CCDC74A: variants seen among roughly 807,000 people sequenced by gnomAD.
CCDC74A encodes the protein coiled-coil domain-containing protein 74A.
A neutral mutation model predicts 37.6 loss-of-function variants in CCDC74A; 38 were observed. The ratio of observed to expected loss-of-function variants is 1.01; its 90% CI spans 0.78 to 1.33. The LOEUF (loss-of-function observed/expected upper bound fraction) is 1.33, where lower values mean the gene tolerates loss of function less well. Among genes scored for constraint, CCDC74A ranks in the 40% most tolerant of loss-of-function variants. CCDC74A has a pLI of 0.00. For synonymous variants in CCDC74A, 134 were observed against 165.2 expected, an observed-to-expected ratio of 0.81 and a Z score of 1.45; for missense variants, 340 against 403.4, an observed-to-expected ratio of 0.84 and a Z score of 1.35.
Position 131,531,749 on chromosome 2 carries a change from C to T in CCDC74A, c.432C>T (p.Pro144=). ...AGAAGGCGGACCTGGAAGAGGAGCCCCTACTTCACAACAGCAAGCTGGACA... is the reference window on the plus strand; with the variant it reads ...AGAAGGCGGACCTGGAAGAGGAGCCTCTACTTCACAACAGCAAGCTGGACA... ...VSQKADLEEE[P]LLHNSKLDKV... Residue 144 remains proline, a synonymous_variant, in exon 4 of 8, where the codon CCC becomes CCT. Transcript: ENST00000409856. 3 of 1,523,032 alleles carry T rather than the reference C, an allele frequency of 2.0e-6. No homozygotes were observed. Among genetic ancestry groups the T allele is most frequent in the Admixed American group, 2.1e-5 (1 of 46,966 alleles). The allele number at this position is 1,523,032 out of a possible 1,614,324, so 94.3% of individuals were successfully genotyped here.
At chr2:131,533,142 G>C in intron 7 of CCDC74A, 73 bp downstream of exon 7, 1 of 1,611,382 alleles carries the variant, frequency 6.2e-7, no homozygotes, top group Admixed American at 1.7e-5. Flanking sequence ...GGGGAAGGGA[G>C]GGTGGCAGCG....
upstream of CCDC74A, among the ~76,000 whole-genome samples, chr2:131,526,755 T>C (rs111821213): frequency 0.028 from 4,255 of 152,302 alleles, 214 homozygotes; most frequent in African/African-American, 0.097. Flanking sequence ...GGTTGCGCCA[T>C]GTGTTCTGTT....
Position 131,533,491 on chromosome 2 carries a change from C to T in CCDC74A, c.*93C>T. On this transcript the variant is annotated 3_prime_UTR_variant, in exon 8 of 8. Coordinates refer to ENST00000409856, the MANE Select transcript of CCDC74A (RefSeq NM_001258306.3). ...CCTGATACTTCCGCTACTTTTAGGC[C>T]TGGCTAAATTCCAAGACAGATAACA... The T allele has an allele frequency of 6.5e-7, 1 of 1,536,468 alleles. No individual in the cohort carries two copies. Among genetic ancestry groups the T allele is most frequent in the Non-Finnish European group, 8.8e-7 (1 of 1,132,754 alleles).
At chr2:131,529,722 G>C in intron 2 of CCDC74A, 31 bp downstream of exon 2, 1 of 1,611,390 alleles carries the variant, frequency 6.2e-7, no homozygotes, top group Non-Finnish European at 8.5e-7. Flanking sequence ...TGACTGATGG[G>C]ATGCTCTTGC....
At chr2:131,533,117 C>T (rs769640728) in intron 7 of CCDC74A, 48 bp downstream of exon 7, 8 of 1,612,072 alleles carry the variant, frequency 5.0e-6, no homozygotes, top group Admixed American at 1.7e-5. Flanking sequence ...GCAGCCTGGG[C>T]CCCAGGGAGG....
chr2:131,525,409 G>C (rs372971610), upstream of CCDC74A, among the ~76,000 whole-genome samples: 74 of 152,206 alleles, frequency 4.9e-4, no homozygotes, highest in Middle Eastern at 0.01. Context: ...GTGGAGACAG[G>C]GTCTGGCTAT....
Position 131,532,503 on chromosome 2 carries a change from C to G in CCDC74A, c.486-86C>G. ...ACCAGGCCCTCTTCCCCACATTGGC[C>G]TGGGCGCTGCCTGGGGAGGTATGCT... is the stretch of plus-strand genomic sequence containing the variant. On this transcript the variant is annotated intron_variant, in intron 4 of 7. Transcript: ENST00000409856. 5 of 1,459,872 alleles carry G rather than the reference C, an allele frequency of 3.4e-6. No homozygotes were observed. The South Asian group carries it at 6.8e-5, about 20-fold the overall frequency. The allele number at this position is 1,459,872 out of a possible 1,614,324, so 90.4% of individuals were successfully genotyped here.
At chr2:131,523,697 C>A (rs545601442), upstream of CCDC74A, among the ~76,000 whole-genome samples, 1 of 152,258 alleles carries the variant, frequency 6.6e-6, no homozygotes, top group East Asian at 1.9e-4. Flanking sequence ...ATGGGCCACA[C>A]CTATTTCACT....
rs147307685 is a variant in CCDC74A at position 131,529,653 on chromosome 2, A to G, written c.257A>G (p.His86Arg). 6.6e-5 allele frequency: 106 copies of G among 1,613,732 alleles called. No homozygotes were observed. The African/African-American group carries it at 6.9e-4, about 11-fold the overall frequency. ...EHLKRENKDL[H>R]YKLIMNQTSQ... is the part of the protein sequence containing the mutation. ...AGCGTGTGCTTGCTTTCAGATCTCC[A>G]TTACAAGCTCATAATGAATCAGACA... The change falls in exon 2 of 8, where the codon CAT (histidine) becomes CGT (arginine). Residue 86 changes from histidine (H) to arginine (R), a missense_variant. Coordinates refer to ENST00000409856, the MANE Select transcript of CCDC74A (RefSeq NM_001258306.3).
At chr2:131,532,073 A>T (rs1681425463) in intron 4 of CCDC74A, among the ~76,000 whole-genome samples, 1 of 150,844 alleles carries the variant, frequency 6.6e-6, no homozygotes, top group African/African-American at 2.4e-5. Context: ...AGCAGCCCCT[A>T]AACCACTTCC....
upstream of CCDC74A, chr2:131,527,762 G>A: frequency 1.4e-6 from 1 of 726,830 alleles, no homozygotes; most frequent in Non-Finnish European, 2.0e-6. Context: ...CCCAAACTTC[G>A]GGGATTACAG....
upstream of CCDC74A, among the ~76,000 whole-genome samples, chr2:131,525,539 ACTT>A (rs976603825): frequency 2.0e-5 from 3 of 151,500 alleles, no homozygotes; most frequent in Non-Finnish European, 4.4e-5. Flanking sequence ...TGTGTTTTTG[ACTT>A]CTTACATTTT....
intron 4 of CCDC74A, among the ~76,000 whole-genome samples, chr2:131,532,053 G>C (rs1460368450): frequency 6.6e-6 from 1 of 150,528 alleles, no homozygotes; most frequent in African/African-American, 2.4e-5. Flanking sequence ...AGCCCACGAG[G>C]GGGGCCAGTA....
At position 131,527,991 on chromosome 2, in the gene CCDC74A, G is replaced by C. The variant is rs549690077; in HGVS notation, c.21G>C (p.Ala7=). The C allele has an allele frequency of 4.1e-4, 594 of 1,447,516 alleles. 1 individual carries two copies. The highest frequency in any genetic ancestry group is 1.5e-3 in the Middle Eastern group (6 of 3,904). 89.7% of individuals were successfully genotyped at this position (1,447,516 alleles called of 1,614,324 possible). The change falls in exon 1 of 8, where the codon GCG becomes GCC. Residue 7 remains alanine (A), a synonymous_variant. Transcript: ENST00000409856. Reference sequence around the variant, plus strand: ...GCGATATGAGCGGTGCGGGGGTGGCGGCTGGGACGCGGCCCCCCAGCTCGC... The same window carrying C: ...GCGATATGAGCGGTGCGGGGGTGGCCGCTGGGACGCGGCCCCCCAGCTCGC... MSGAGV[A]AGTRPPSSPT...
In CCDC74A at chr2:131,529,940, G is replaced by T. The variant is rs560578857; in HGVS notation, c.295+249G>T. On this transcript the variant is annotated intron_variant, in intron 2 of 7. Coordinates refer to ENST00000409856, the MANE Select transcript of CCDC74A (RefSeq NM_001258306.3). ...CATTGCAGTGGGGAGGTGGGCACAG[G>T]GTGCTCCCCAGACCTCCCTCCTCCA... 9 of 1,503,364 alleles carry T rather than the reference G, an allele frequency of 6.0e-6. No individual in the cohort carries two copies. In the East Asian group the frequency reaches 2.0e-4, roughly 33 times the overall value. 93.1% of individuals were successfully genotyped at this position (1,503,364 alleles called of 1,614,324 possible).
At chr2:131,523,056 C>T (rs1039048348), upstream of CCDC74A, among the ~76,000 whole-genome samples, 1 of 152,160 alleles carries the variant, frequency 6.6e-6, no homozygotes, top group African/African-American at 2.4e-5. Flanking sequence ...AGGCATGCGC[C>T]ACCGCACCCT....
At position 131,528,221 on chromosome 2, in the gene CCDC74A, G is replaced by A. The variant is rs776346804; in HGVS notation, c.250+1G>A. ...GAGCATCTGAAGCGGGAAAACAAGG[G>A]TGAGCCGGCGCGGGGCCCTAGGCCG... On this transcript the variant is annotated splice_donor_variant, in intron 1 of 7. Coordinates refer to ENST00000409856, the MANE Select transcript of CCDC74A (RefSeq NM_001258306.3). LOFTEE classifies it high-confidence loss of function. 3.7e-6 allele frequency: 6 copies of A among 1,611,786 alleles called. No homozygotes were observed. The South Asian group carries it at 4.4e-5, about 12-fold the overall frequency.
At chr2:131,532,467 G>T (rs1681514549) in intron 4 of CCDC74A, 122 bp from the exon 5 acceptor site, 1 of 1,172,088 alleles carries the variant, frequency 8.5e-7, no homozygotes, top group East Asian at 2.4e-5. Context: ...CCTGCTCAGT[G>T]GGAGAGGGGA....
rs752984975 is a variant in CCDC74A at position 131,533,379 on chromosome 2, T to C, written c.920T>C (p.Leu307Pro). The C allele has an allele frequency of 6.2e-7, 1 of 1,613,510 alleles. No homozygotes were observed. Among genetic ancestry groups the C allele is most frequent in the Non-Finnish European group, 8.5e-7 (1 of 1,179,982 alleles). Residue 307 changes from leucine (L) to proline (P), a missense_variant, in exon 8 of 8, where the codon CTG (leucine) becomes CCG (proline). Physicochemically the swap from Leu to Pro is moderately conservative, Grantham distance 98. Around this residue, in one of 3 missense-constraint regions of CCDC74A, gnomAD observed 185 missense variants for 231.5 expected, o/e 0.80. Coordinates refer to ENST00000409856, the MANE Select transcript of CCDC74A (RefSeq NM_001258306.3). Reference sequence around the variant, plus strand: ...CTGCAGGCAATGCAGAAACGGCGCCTGCATCGCTCAGTGCTTTGAGCCACC... The same window carrying C: ...CTGCAGGCAATGCAGAAACGGCGCCCGCATCGCTCAGTGCTTTGAGCCACC... ...KRLQAMQKRR[L>P]HRSVL
Sources: allele counts gnomAD v4.1 joint callset (sites outside exome capture counted in the v4.1 genomes callset), GRCh38; gene constraint gnomAD v4.1.1; regional missense constraint gnomAD v4.1.1; transcripts MANE v1.5; gene names NCBI Gene and HGNC (gene_info 2026-07-23, HGNC 2026-07-21).